Variants in CNNM2 observed in about 807,000 individuals in gnomAD.
CNNM2 encodes metal transporter CNNM2.
CNNM2 carries 12 observed loss-of-function variants against 66.9 expected under a neutral mutation model. That is an observed-to-expected ratio of 0.18 (90% CI 0.11 to 0.29). The LOEUF is 0.29. Ranked by LOEUF, CNNM2 falls within the 10% of genes least tolerant of loss-of-function variation. CNNM2 has a pLI of 1.00. For synonymous variants in CNNM2, 557 were observed against 501.8 expected, an observed-to-expected ratio of 1.11 and a Z score of -1.47; for missense variants, 705 against 1,167.7, an observed-to-expected ratio of 0.60 and a Z score of 5.77.
rs2134380882 is a variant in CNNM2, at chr10:103,084,457, A to AT, written c.*7279dup. On this transcript the variant is annotated 3_prime_UTR_variant, in exon 8 of 8. Coordinates refer to ENST00000369878, the MANE Select transcript of CNNM2 (RefSeq NM_017649.5). ...CTGTCTTCGAACCCTGCTTGCTTTC[A>AT]TTAGAAGCAGGGCAGAAAGTGGCAG... is the stretch of plus-strand genomic sequence containing the variant. The AT allele has an allele frequency of 6.6e-6, 1 of 152,304 alleles. No individual in the cohort carries two copies. The highest frequency in any genetic ancestry group is 2.1e-4 in the South Asian group (1 of 4,830). The allele number at this position is 152,304 out of a possible 1,614,324, so 9.4% of individuals were successfully genotyped here.
At chr10:102,981,513 C>A (rs891016500) in intron 1 of CNNM2, among the ~76,000 whole-genome samples, 4 of 151,868 alleles carry the variant, frequency 2.6e-5, no homozygotes, top group African/African-American at 9.7e-5. Context: ...CCTCAGCCTC[C>A]CGAGTAGCTG....
intron 1 of CNNM2, among the ~76,000 whole-genome samples, chr10:103,013,535 C>T (rs1354707078): frequency 1.3e-5 from 2 of 152,048 alleles, no homozygotes; most frequent in African/African-American, 2.4e-5. Flanking sequence ...GTGCTGGGTG[C>T]GCTCAGGTGT....
chr10:103,017,554 A>C (rs2064477952), intron 1 of CNNM2, among the ~76,000 whole-genome samples: 1 of 152,166 alleles, frequency 6.6e-6, no homozygotes, highest in Non-Finnish European at 1.5e-5. Flanking sequence ...GACCTGAATG[A>C]AGTGGGGGAT....
chr10:102,939,126 A>G (rs1436418952), intron 1 of CNNM2, among the ~76,000 whole-genome samples: 4 of 152,182 alleles, frequency 2.6e-5, no homozygotes, highest in Non-Finnish European at 5.9e-5. Flanking sequence ...TTTTTCAGAC[A>G]TGGTGTAGGT....
At position 102,918,593 on chromosome 10, in the gene CNNM2, G is replaced by A. The variant is rs76057237; in HGVS notation, c.113G>A (p.Arg38Gln). 0.05 allele frequency: 78,531 copies of A among 1,564,724 alleles called. 2,194 individuals are homozygous for A. Among genetic ancestry groups the A allele is most frequent in the Non-Finnish European group, 0.056 (64,663 of 1,158,656 alleles). Residue 38 changes from arginine (R) to glutamine (Q), a missense_variant, in exon 1 of 8, where the codon CGG becomes CAG. Around this residue, in one of 9 missense-constraint regions of CNNM2, gnomAD observed 98 missense variants for 73.6 expected, o/e 1.33. Transcript: ENST00000369878. The surrounding 1 kb of genome is among the most constrained non-coding windows in gnomAD (Gnocchi z 4.1). ...AARRSLSARG[R>Q]GILQAAAGRL... ...CGCCGCAGCCTCAGCGCTCGCGGCC[G>A]GGGGATCCTGCAGGCGGCTGCGGGG...
intron 1 of CNNM2, among the ~76,000 whole-genome samples, chr10:102,936,615 T>C (rs552233476): frequency 1.3e-5 from 2 of 152,220 alleles, no homozygotes; most frequent in South Asian, 4.2e-4. Flanking sequence ...AAATACTCTT[T>C]TAATCATATT....
Position 103,054,592 on chromosome 10 carries a change from GTTTTGTTTTTTTTGTTT to G in CNNM2, c.1903+136_1903+152del. Reference sequence around the variant, plus strand: ...GGGTGATAAGTAATGCCACTTTTGTGTTTTGTTTTTTTTGTTTTTTTGTTTTGTTTTGTTTTTTTCTT... The same window carrying G: ...GGGTGATAAGTAATGCCACTTTTGTGTTTTGTTTTGTTTTGTTTTTTTCTT... On this transcript the variant is annotated intron_variant, in intron 3 of 7. Coordinates refer to ENST00000369878, the MANE Select transcript of CNNM2 (RefSeq NM_017649.5). This position sits in a 1 kb window ranked among gnomAD's most constrained non-coding sequence, Gnocchi z 5.2. The G allele has an allele frequency of 2.4e-6, 2 of 832,126 alleles. No individual in the cohort carries two copies. The highest frequency in any genetic ancestry group is 1.7e-6 in the Non-Finnish European group (1 of 587,450). The allele number at this position is 832,126 out of a possible 1,614,324, so 51.5% of individuals were successfully genotyped here. A position where few individuals can be genotyped will look rare whatever the true frequency, so the allele number is the denominator to read the frequency against.
Position 103,076,954 on chromosome 10 carries a change from C to G in CNNM2, c.2419-17C>G. 1.2e-6 allele frequency: 2 copies of G among 1,610,456 alleles called. No individual in the cohort carries two copies. The highest frequency in any genetic ancestry group is 1.7e-6 in the Non-Finnish European group (2 of 1,177,528). On this transcript the variant is annotated splice_polypyrimidine_tract_variant and intron_variant, in intron 7 of 7. Coordinates refer to ENST00000369878, the MANE Select transcript of CNNM2 (RefSeq NM_017649.5). ...GCATTATCTTGGTTTGTTTTCTGTG[C>G]CATCTTCTGGCCCCAGATCTCAAGA...
chr10:102,966,785 T>C (rs1300084082), intron 1 of CNNM2, among the ~76,000 whole-genome samples: 1 of 151,612 alleles, frequency 6.6e-6, no homozygotes, highest in African/African-American at 2.4e-5. Flanking sequence ...AATTAGGAGG[T>C]GGGAATAAAG....
chr10:103,074,343 G>T (rs923103652), intron 6 of CNNM2, among the ~76,000 whole-genome samples: 4 of 152,132 alleles, frequency 2.6e-5, no homozygotes, highest in Non-Finnish European at 5.9e-5. Flanking sequence ...TACAGATAAA[G>T]AATCTGAAAC....
intron 4 of CNNM2, among the ~76,000 whole-genome samples, chr10:103,067,600 T>C (rs2065502586): frequency 6.6e-6 from 1 of 152,204 alleles, no homozygotes; most frequent in Admixed American, 6.5e-5. Context: ...AGAGCATTTC[T>C]GACCCTTGGC....
At chr10:102,947,387 A>G (rs879392095) in intron 1 of CNNM2, among the ~76,000 whole-genome samples, 3 of 152,118 alleles carry the variant, frequency 2.0e-5, no homozygotes, top group Non-Finnish European at 2.9e-5. Flanking sequence ...TTTCATTGTG[A>G]TGATGTTATA....
Position 103,082,674 on chromosome 10 carries a change from T to G in CNNM2, c.*5494T>G, listed in dbSNP as rs999940696. 6.6e-6 allele frequency: 1 copy of G among 152,284 alleles called. No individual in the cohort carries two copies. Among genetic ancestry groups the G allele is most frequent in the African/African-American group, 2.4e-5 (1 of 41,458 alleles). 9.4% of individuals were successfully genotyped at this position (152,284 alleles called of 1,614,324 possible). Reference sequence around the variant, plus strand: ...CGGGTGAGAGGGTAGTGTTGTTTTTTATAAACAGGTTGCTGCTTTTATGTT... The same window carrying G: ...CGGGTGAGAGGGTAGTGTTGTTTTTGATAAACAGGTTGCTGCTTTTATGTT... On this transcript the variant is annotated 3_prime_UTR_variant, in exon 8 of 8. Transcript: ENST00000369878.
chr10:103,059,130 C>T (rs553636406), intron 4 of CNNM2, among the ~76,000 whole-genome samples: 1 of 152,248 alleles, frequency 6.6e-6, no homozygotes, highest in East Asian at 1.9e-4. Flanking sequence ...TGCTCCACCA[C>T]ACCCGGCTAA....
intron 1 of CNNM2, among the ~76,000 whole-genome samples, chr10:102,936,518 T>C (rs1590275006): frequency 2.3e-5 from 1 of 43,130 alleles, no homozygotes; most frequent in Non-Finnish European, 4.6e-5. Context: ...AACTCTTTGC[T>C]TTTTTTTTTT....
At chr10:102,936,686 A>G (rs1846254055) in intron 1 of CNNM2, among the ~76,000 whole-genome samples, 2 of 152,190 alleles carry the variant, frequency 1.3e-5, no homozygotes, top group Non-Finnish European at 2.9e-5. Context: ...GTTCATATAT[A>G]CATACATTAA....
At position 103,076,122 on chromosome 10, in the gene CNNM2, A is replaced by G. The variant is rs1368341156; in HGVS notation, c.2270A>G (p.Asn757Ser). 1 of 1,612,126 alleles carries G rather than the reference A, an allele frequency of 6.2e-7. No individual in the cohort carries two copies. The highest frequency in any genetic ancestry group is 1.3e-5 in the African/African-American group (1 of 75,006). Reference sequence around the variant, plus strand: ...TCCCCTCCTCGCCCATGTGGCTTGAATCACTCAGACTCTCTCAGTCGAAGC... The same window carrying G: ...TCCCCTCCTCGCCCATGTGGCTTGAGTCACTCAGACTCTCTCAGTCGAAGC... The part of the protein sequence containing the change: ...NKSPPRPCGL[N>S]HSDSLSRSDR... Residue 757 changes from asparagine (N) to serine (S), a missense_variant, in exon 7 of 8, where the codon AAT becomes AGT. Physicochemically the swap from Asn to Ser is conservative, Grantham distance 46. Coordinates refer to ENST00000369878, the MANE Select transcript of CNNM2 (RefSeq NM_017649.5).
chr10:102,927,573 G>GAACTCCTGA, intron 1 of CNNM2: 1 of 985,950 alleles, frequency 1.0e-6, no homozygotes, highest in Non-Finnish European at 1.4e-6. Flanking sequence ...TGACAGTCTG[G>GAACTCCTGA]CCACCATGGT....
chr10:102,965,829 C>T (rs982622800), intron 1 of CNNM2, among the ~76,000 whole-genome samples: 4 of 152,166 alleles, frequency 2.6e-5, no homozygotes, highest in Non-Finnish European at 2.9e-5. Context: ...TAAATGCCAA[C>T]CACTTGAAGT....
Sources: allele counts gnomAD v4.1 joint callset (sites outside exome capture counted in the v4.1 genomes callset), GRCh38; gene constraint gnomAD v4.1.1; regional missense constraint gnomAD v4.1.1; non-coding constraint Gnocchi (gnomAD v3.1); transcripts MANE v1.5; gene names NCBI Gene and HGNC (gene_info 2026-07-23, HGNC 2026-07-21).